GABRA4: variants seen among roughly 807,000 people sequenced by gnomAD.
GABRA4 encodes gamma-aminobutyric acid receptor subunit alpha-4.
In GABRA4, 12 loss-of-function variants were observed where a neutral mutation model predicts 49.7. That is an observed-to-expected ratio of 0.24 (90% confidence interval 0.15 to 0.39). The LOEUF (loss-of-function observed/expected upper bound fraction) is 0.39, where lower values mean the gene tolerates loss of function less well. GABRA4 is among the 10% of genes least tolerant of loss of function. GABRA4 has a pLI of 1.00. For missense variants in GABRA4, 506 were observed against 686.0 expected, an observed-to-expected ratio of 0.74 and a Z score of 2.93; for synonymous variants, 288 against 240.2, an observed-to-expected ratio of 1.20 and a Z score of -1.84.
Position 46,922,433 on chromosome 4 carries a change from T to C in GABRA4, c.*5792A>G, listed in dbSNP as rs1156252557. 3 of 151,900 alleles carry C rather than the reference T, an allele frequency of 2.0e-5. No homozygotes were observed. Among genetic ancestry groups the C allele is most frequent in the African/African-American group, 7.3e-5 (3 of 41,344 alleles). The allele number at this position is 151,900 out of a possible 1,614,324, so 9.4% of individuals were successfully genotyped here. A position where few individuals can be genotyped will look rare whatever the true frequency, so the allele number is the denominator to read the frequency against. On this transcript the variant is annotated 3_prime_UTR_variant, in exon 9 of 9. Coordinates refer to ENST00000264318, the MANE Select transcript of GABRA4 (RefSeq NM_000809.4). ...ATAGCTGGCTCTGCTCAGTGATTAA[T>C]AGAAAGAAACCAGCCCCAAAAATAG...
intron 6 of GABRA4, among the ~76,000 whole-genome samples, chr4:46,972,230 G>C (rs774805780): frequency 7.5e-4 from 114 of 151,576 alleles, no homozygotes; most frequent in Admixed American, 1.6e-3. Context: ...GTCATGACAG[G>C]TGTCATAAAG....
intron 1 of GABRA4, 100 bp from the exon 2 acceptor site, chr4:46,993,046 T>C: frequency 1.1e-6 from 1 of 937,010 alleles, no homozygotes; most frequent in East Asian, 2.4e-5. Flanking sequence ...AAAGAGTCGC[T>C]TGCCCCAAGC....
At chr4:46,984,216 A>G (rs928759878) in intron 2 of GABRA4, among the ~76,000 whole-genome samples, 1 of 152,042 alleles carries the variant, frequency 6.6e-6, no homozygotes, top group Non-Finnish European at 1.5e-5. Flanking sequence ...CTCCCCAGCC[A>G]TGCACTTGAG....
intron 8 of GABRA4, among the ~76,000 whole-genome samples, chr4:46,933,219 T>G (rs1021371972): frequency 6.6e-6 from 1 of 152,198 alleles, no homozygotes; most frequent in Non-Finnish European, 1.5e-5. Context: ...TGTAGATTAA[T>G]GCACACAGTA....
intron 6 of GABRA4, among the ~76,000 whole-genome samples, chr4:46,973,429 G>T (rs1235978935): frequency 5.9e-5 from 9 of 151,622 alleles, no homozygotes; most frequent in Non-Finnish European, 7.4e-5. Flanking sequence ...CGAAGAAATG[G>T]GTCCTCATTG....
chr4:46,976,661 A>G (rs559822714), intron 5 of GABRA4, among the ~76,000 whole-genome samples: 18 of 151,736 alleles, frequency 1.2e-4, no homozygotes, highest in Non-Finnish European at 2.5e-4. Flanking sequence ...TAGAATATCT[A>G]TATATCTATC....
intron 2 of GABRA4, 57 bp from the exon 3 acceptor site, chr4:46,979,155 G>A (rs977662587): frequency 5.5e-6 from 6 of 1,081,570 alleles, no homozygotes; most frequent in Non-Finnish European, 8.5e-6. Flanking sequence ...TACAGGCTGG[G>A]AAGGTTAGAT....
At chr4:46,976,980 T>C in intron 5 of GABRA4, 81 bp downstream of exon 5, 1 of 781,554 alleles carries the variant, frequency 1.3e-6, no homozygotes, top group East Asian at 2.8e-5. Context: ...AATGTTGGAT[T>C]ATGAAAAATA....
In GABRA4 at chr4:46,967,074, C is replaced by A. The variant is rs73813757; in HGVS notation, c.875-1845G>T. Among the ~76,000 whole-genome samples, 243 of 151,630 alleles carry A rather than the reference C, an allele frequency of 1.6e-3. 2 individuals carry two copies. The highest frequency in any genetic ancestry group is 5.4e-3 in the African/African-American group (222 of 41,442). The stretch of plus-strand genomic sequence containing the variant: ...ACTGAAAATTTTTAGCTACGTTTGA[C>A]AATAGATGAAAATGTTTTTCTTGTT... On this transcript the variant is annotated intron_variant, in intron 7 of 8. Transcript: ENST00000264318.
intron 1 of GABRA4, 128 bp downstream of exon 1, chr4:46,993,211 C>T: frequency 2.3e-6 from 2 of 864,740 alleles, no homozygotes; most frequent in Non-Finnish European, 3.8e-6. Context: ...CTGGCTTCGG[C>T]CCCTGCTCTT....
rs1237035870 is a variant in GABRA4 at position 46,986,045 on chromosome 4, G to A, written c.205+6783C>T. On this transcript the variant is annotated intron_variant, in intron 2 of 8. Coordinates refer to ENST00000264318, the MANE Select transcript of GABRA4 (RefSeq NM_000809.4). ...AACTTCTGAAAAAAATCTATCAACG[G>A]TACCTCTGATTCTTCTTATTCACTC... Among the ~76,000 whole-genome samples the A allele has an allele frequency of 6.6e-5, 10 of 151,856 alleles. No homozygotes were observed. The East Asian group carries it at 1.9e-3, about 29-fold the overall frequency.
chr4:46,978,510 A>G (rs1723226624), intron 3 of GABRA4, among the ~76,000 whole-genome samples: 1 of 151,166 alleles, frequency 6.6e-6, no homozygotes, highest in Non-Finnish European at 1.5e-5. Flanking sequence ...CAACATGGAG[A>G]CACCCTATCT....
intron 8 of GABRA4, among the ~76,000 whole-genome samples, chr4:46,930,792 T>A (rs1721401115): frequency 6.6e-6 from 1 of 151,068 alleles, no homozygotes; most frequent in South Asian, 2.1e-4. Context: ...AGGAACTAAG[T>A]CTACTTTCCT....
chr4:46,946,822 C>T (rs573490441), intron 8 of GABRA4, among the ~76,000 whole-genome samples: 2 of 152,130 alleles, frequency 1.3e-5, no homozygotes, highest in Middle Eastern at 6.8e-3. Context: ...CTTAAGTCAT[C>T]TTTTGAACAC....
chr4:46,929,157 T>C (rs1316096681), intron 8 of GABRA4, among the ~76,000 whole-genome samples: 3 of 151,948 alleles, frequency 2.0e-5, no homozygotes, highest in African/African-American at 7.2e-5. Flanking sequence ...CAAAGTTTTC[T>C]ATGTGTTTGT....
intron 2 of GABRA4, among the ~76,000 whole-genome samples, chr4:46,984,315 C>T (rs542395021): frequency 2.2e-4 from 34 of 152,044 alleles, no homozygotes; most frequent in Non-Finnish European, 3.7e-4. Context: ...AATGAAGACA[C>T]TTGAAGGGAT....
chr4:46,977,406 T>C lies in GABRA4; in HGVS notation c.494+4A>G, dbSNP rs1456597788. 1 of 1,438,300 alleles carries C rather than the reference T, an allele frequency of 7.0e-7. No homozygotes were observed. Among genetic ancestry groups the C allele is most frequent in the Non-Finnish European group, 9.6e-7 (1 of 1,044,244 alleles). The allele number at this position is 1,438,300 out of a possible 1,614,324, so 89.1% of individuals were successfully genotyped here. On this transcript the variant is annotated splice_donor_region_variant and intron_variant, in intron 4 of 8. Transcript: ENST00000264318. ...GGAAGGGAAGAAGTAAAAAAAAATA[T>C]TACCTCATTGTGTATAAAATAGTAC...
chr4:46,972,728 T>C (rs1195798472), intron 6 of GABRA4, among the ~76,000 whole-genome samples: 2 of 151,684 alleles, frequency 1.3e-5, no homozygotes, highest in Non-Finnish European at 3.0e-5. Flanking sequence ...ACAGAAATAC[T>C]ATGCCCTTTG....
intron 8 of GABRA4, among the ~76,000 whole-genome samples, chr4:46,941,960 G>A (rs1288087725): frequency 6.6e-6 from 1 of 152,038 alleles, no homozygotes; most frequent in African/African-American, 2.4e-5. Flanking sequence ...AAAAATATTT[G>A]CACTTACTCA....
Sources: allele counts gnomAD v4.1 joint callset (sites outside exome capture counted in the v4.1 genomes callset), GRCh38; gene constraint gnomAD v4.1.1; transcripts MANE v1.5; gene names NCBI Gene and HGNC (gene_info 2026-07-23, HGNC 2026-07-21).